The following RYR3 variants were observed in gnomAD, a reference collection of about 807,000 sequenced individuals.
RYR3 encodes ryanodine receptor 3, also known as brain ryanodine receptor-calcium release channel.
A neutral mutation model predicts 584.3 loss-of-function variants in RYR3; 207 were observed. The ratio of observed to expected loss-of-function variants is 0.35; its 90% CI spans 0.32 to 0.40. The LOEUF (loss-of-function observed/expected upper bound fraction) is 0.40. Ranked by LOEUF, RYR3 falls within the 10% of genes least tolerant of loss-of-function variation. The pLI, the probability that RYR3 is intolerant of heterozygous loss-of-function variation, is 1.00. For missense variants in RYR3, 5,616 were observed against 6,089.2 expected (o/e 0.92, Z 2.59); for synonymous variants, 2,416 against 2,248.5 (o/e 1.07, Z -2.11).
At chr15:33,416,728 A>G (rs1204876498) in intron 1 of RYR3, among the ~76,000 whole-genome samples, 2 of 151,976 alleles carry the variant, frequency 1.3e-5, no homozygotes, top group East Asian at 1.9e-4. Context: ...TTTCTGTTAC[A>G]TTTGCTTTTG....
chr15:33,841,601 G>A (rs1413705234), intron 90 of RYR3, among the ~76,000 whole-genome samples: 7 of 152,046 alleles, frequency 4.6e-5, no homozygotes, highest in Non-Finnish European at 1.0e-4. Flanking sequence ...CTTCAGAAGG[G>A]GAAAAAAATT....
chr15:33,557,357 A>G (rs187886114), intron 10 of RYR3, among the ~76,000 whole-genome samples: 1 of 152,302 alleles, frequency 6.6e-6, no homozygotes, highest in Admixed American at 6.5e-5. Context: ...AGACCGGGGC[A>G]ACTATTGGTT....
At chr15:33,330,966 G>A (rs1156948981) in intron 1 of RYR3, among the ~76,000 whole-genome samples, 3 of 152,134 alleles carry the variant, frequency 2.0e-5, no homozygotes, top group Non-Finnish European at 4.4e-5. Context: ...TGAATGCTCT[G>A]TAAATGCAGA....
At chr15:33,537,983 C>A (rs1336599806) in intron 5 of RYR3, among the ~76,000 whole-genome samples, 3 of 151,438 alleles carry the variant, frequency 2.0e-5, no homozygotes, top group African/African-American at 7.3e-5. Context: ...TTTTTCTTTT[C>A]TTTTCTTTTC....
intron 42 of RYR3, among the ~76,000 whole-genome samples, chr15:33,703,482 C>T (rs931489610): frequency 1.3e-5 from 2 of 152,186 alleles, no homozygotes; most frequent in African/African-American, 4.8e-5. Flanking sequence ...TGTGTCCTCA[C>T]GTAGTCTTTT....
chr15:33,326,056 G>A (rs565322778), intron 1 of RYR3, among the ~76,000 whole-genome samples: 28 of 152,044 alleles, frequency 1.8e-4, no homozygotes, highest in South Asian at 4.2e-4. Context: ...TGCTCACCTC[G>A]GCCTCCCAAA....
At chr15:33,419,363 G>A (rs142951046) in intron 1 of RYR3, among the ~76,000 whole-genome samples, 96 of 152,270 alleles carry the variant, frequency 6.3e-4, no homozygotes, top group African/African-American at 2.0e-3. Flanking sequence ...TGACTTTCGG[G>A]AAGGGATGGG....
intron 1 of RYR3, among the ~76,000 whole-genome samples, chr15:33,425,837 T>A (rs981016529): frequency 2.0e-5 from 3 of 151,922 alleles, no homozygotes; most frequent in African/African-American, 7.3e-5. Context: ...AGAGACGGGG[T>A]TTCACCGTGT....
chr15:33,446,164 A>C (rs568596156), intron 1 of RYR3, among the ~76,000 whole-genome samples: 1 of 152,160 alleles, frequency 6.6e-6, no homozygotes, highest in African/African-American at 2.4e-5. Flanking sequence ...TTTAATTACC[A>C]CTGACCTCAC....
At chr15:33,466,052 C>G (rs2048462902) in intron 1 of RYR3, among the ~76,000 whole-genome samples, 1 of 152,144 alleles carries the variant, frequency 6.6e-6, no homozygotes, top group Admixed American at 6.5e-5. Flanking sequence ...ATTGGACATC[C>G]AAGTTGAGAT....
Position 33,636,413 on chromosome 15 carries a change from G to A in RYR3, c.3419G>A (p.Arg1140His), listed in dbSNP as rs774751337. The A allele has an allele frequency of 6.3e-5, 102 of 1,613,726 alleles. No homozygotes were observed. Among genetic ancestry groups the A allele is most frequent in the Admixed American group, 3.7e-4 (22 of 59,996 alleles). Residue 1140 changes from arginine (R) to histidine (H), a missense_variant, in exon 27 of 104, where the codon CGT becomes CAT. Transcript: ENST00000634891. ...CATCAAGGAAGTGGGTATTTTGGGCGTACCTGGCAGCCAGGGGATGTGGTC... is the reference window on the plus strand; with the variant it reads ...CATCAAGGAAGTGGGTATTTTGGGCATACCTGGCAGCCAGGGGATGTGGTC... The part of the protein sequence containing the change: ...RWHQGSGYFG[R>H]TWQPGDVVGC...
At chr15:33,526,114 TA>T (rs2054364673) in intron 3 of RYR3, among the ~76,000 whole-genome samples, 1 of 152,204 alleles carries the variant, frequency 6.6e-6, no homozygotes, top group African/African-American at 2.4e-5. Flanking sequence ...GCTCTAACAG[TA>T]TTGAAACATT....
intron 2 of RYR3, among the ~76,000 whole-genome samples, chr15:33,498,493 C>T (rs2051641544): frequency 1.3e-5 from 2 of 152,042 alleles, no homozygotes; most frequent in Non-Finnish European, 2.9e-5. Flanking sequence ...AATGTTTATT[C>T]AGACCATGTG....
intron 1 of RYR3, among the ~76,000 whole-genome samples, chr15:33,364,759 G>A (rs12437711): frequency 0.038 from 5,752 of 152,180 alleles, 267 homozygotes; most frequent in East Asian, 0.12. Context: ...TCTATCTAAC[G>A]TTCATCAAAA....
intron 12 of RYR3, among the ~76,000 whole-genome samples, chr15:33,571,528 G>T (rs549739425): frequency 6.6e-6 from 1 of 152,106 alleles, no homozygotes; most frequent in South Asian, 2.1e-4. Context: ...TGATAAATTT[G>T]CCCTTTTGTA....
chr15:33,312,379 G>C (rs937734084), intron 1 of RYR3, among the ~76,000 whole-genome samples: 39 of 15,622 alleles, frequency 2.5e-3, no homozygotes, highest in Non-Finnish European at 2.0e-3. Context: ...GTCTTATTTG[G>C]GGGGGGTATG....
At chr15:33,789,760 C>T (rs185789310) in intron 67 of RYR3, among the ~76,000 whole-genome samples, 1,582 of 131,094 alleles carry the variant, frequency 0.012, 44 homozygotes, top group African/African-American at 0.043. Flanking sequence ...CTGCAAGCTC[C>T]GCCTCCTGGG....
At position 33,853,091 on chromosome 15, in the gene RYR3, T is replaced by C. The variant is rs374083464; in HGVS notation, c.13671+4T>C. 52 of 1,590,600 alleles carry C rather than the reference T, an allele frequency of 3.3e-5. No individual in the cohort carries two copies. The highest frequency in any genetic ancestry group is 4.4e-5 in the Non-Finnish European group (52 of 1,170,872). ...GGACAAGTTTGTAAAGAGAAAGGTATGCCTTGTTAGTGGGGGTGAGTTCCG... is the reference window on the plus strand; with the variant it reads ...GGACAAGTTTGTAAAGAGAAAGGTACGCCTTGTTAGTGGGGGTGAGTTCCG... On this transcript the variant is annotated splice_donor_region_variant and intron_variant, in intron 95 of 103. Transcript: ENST00000634891.
chr15:33,744,519 G>T (rs1165632046), intron 52 of RYR3, among the ~76,000 whole-genome samples: 2 of 152,146 alleles, frequency 1.3e-5, no homozygotes, highest in Non-Finnish European at 2.9e-5. Context: ...CAGCCATTGT[G>T]GGGCAGCTTG....
Sources: gnomAD v4.1 joint callset for allele counts (sites outside exome capture counted in the v4.1 genomes callset) on GRCh38, gnomAD v4.1.1 for gene constraint, MANE v1.5 for transcripts, NCBI Gene and HGNC (gene_info 2026-07-23, HGNC 2026-07-21) for gene names.